The following MTA3 variants were observed in gnomAD, a reference collection of about 807,000 sequenced individuals.
The protein encoded by MTA3 is metastasis associated 1 family member 3, also known as metastasis-associated protein MTA3.
MTA3 carries 34 observed loss-of-function variants against 83.5 expected under a neutral mutation model. The observed-to-expected ratio is 0.41, with a 90% CI of 0.31 to 0.54. The LOEUF (loss-of-function observed/expected upper bound fraction) is 0.54. Ranked by LOEUF, MTA3 falls within the 20% of genes least tolerant of loss-of-function variation. The pLI is 0.33. For synonymous variants in MTA3, 303 were observed against 252.7 expected, an observed-to-expected ratio of 1.20 and a Z score of -1.89; for missense variants, 761 against 726.4, an observed-to-expected ratio of 1.05 and a Z score of -0.55.
chr2:42,627,678 C>A (rs935095769), intron 4 of MTA3, among the ~76,000 whole-genome samples: 1 of 151,722 alleles, frequency 6.6e-6, no homozygotes, highest in African/African-American at 2.4e-5. Flanking sequence ...ATCCTCCTGC[C>A]TCAGCCTCCC....
At chr2:42,529,846 A>G (rs1675875511) in intron 2 of MTA3, among the ~76,000 whole-genome samples, 1 of 152,172 alleles carries the variant, frequency 6.6e-6, no homozygotes, top group African/African-American at 2.4e-5. Flanking sequence ...ACTCCATAAA[A>G]ATGCATCAAT....
intron 8 of MTA3, among the ~76,000 whole-genome samples, chr2:42,668,809 AATATAATCTTTC>A (rs1355088203): frequency 2.6e-5 from 4 of 152,204 alleles, no homozygotes; most frequent in African/African-American, 9.7e-5. Flanking sequence ...AAAGGCTGTT[AATATAATCTTTC>A]ATATAATCTT....
intron 4 of MTA3, among the ~76,000 whole-genome samples, chr2:42,620,605 A>C (rs1227866564): frequency 6.6e-6 from 1 of 151,978 alleles, no homozygotes; most frequent in Non-Finnish European, 1.5e-5. Context: ...CAATCCTGCC[A>C]CCTCAGCCTC....
intron 2 of MTA3, among the ~76,000 whole-genome samples, chr2:42,561,368 G>C (rs1677667553): frequency 6.6e-6 from 1 of 151,234 alleles, no homozygotes; most frequent in African/African-American, 2.4e-5. Context: ...TGTTGCCCAG[G>C]CTGGAGTGCA....
At chr2:42,608,753 G>T (rs1167526138) in intron 3 of MTA3, among the ~76,000 whole-genome samples, 1 of 152,074 alleles carries the variant, frequency 6.6e-6, no homozygotes, top group African/African-American at 2.4e-5. Context: ...GTGTGGTGAT[G>T]TACGCCTGTA....
chr2:42,648,110 G>A (rs1688386232), intron 6 of MTA3, among the ~76,000 whole-genome samples: 1 of 152,172 alleles, frequency 6.6e-6, no homozygotes, highest in Admixed American at 6.5e-5. Context: ...CAAGGTGCTG[G>A]GATTACAGGC....
At chr2:42,718,357 C>G (rs1020287728) in intron 14 of MTA3, among the ~76,000 whole-genome samples, 6 of 151,646 alleles carry the variant, frequency 4.0e-5, no homozygotes, top group Admixed American at 6.6e-5. Context: ...AAGCAATTCT[C>G]CTGCCTCAGC....
intron 4 of MTA3, among the ~76,000 whole-genome samples, chr2:42,635,223 T>C (rs1234065830): frequency 6.6e-6 from 1 of 152,198 alleles, no homozygotes; most frequent in Non-Finnish European, 1.5e-5. Flanking sequence ...TTTTATTTGA[T>C]TGTTCATTGT....
At chr2:42,532,830 G>A in intron 2 of MTA3, 1 of 407,496 alleles carries the variant, frequency 2.5e-6, no homozygotes. Flanking sequence ...CTCACAGTGT[G>A]CTTCTCTGGG....
chr2:42,576,174 A>T (rs1209531547), intron 2 of MTA3, among the ~76,000 whole-genome samples: 2 of 152,240 alleles, frequency 1.3e-5, no homozygotes, highest in Non-Finnish European at 2.9e-5. Flanking sequence ...CAGGGTCCAC[A>T]TTCTAATGAG....
At chr2:42,666,461 G>A (rs946603247) in intron 8 of MTA3, among the ~76,000 whole-genome samples, 5 of 152,026 alleles carry the variant, frequency 3.3e-5, no homozygotes, top group Non-Finnish European at 7.4e-5. Flanking sequence ...ACAGTCCTCC[G>A]TCCTCTGGAC....
rs1675915207 is a variant in MTA3 at position 42,530,538 on chromosome 2, A to G, written c.-141+35284A>G. On this transcript the variant is annotated intron_variant, in intron 2 of 17. Coordinates refer to the MTA3 transcript ENST00000405592. ...GGTGGCTCATGCCTGTAATCCAACA[A>G]TTTGGGAGGCCGAGGCGGGCAGATC... 2.0e-5 allele frequency among the ~76,000 whole-genome samples: 3 copies of G among 150,794 alleles called. No individual in the cohort carries two copies. The South Asian group carries it at 6.3e-4, about 32-fold the overall frequency.
At chr2:42,709,360 C>G (rs1487083309) in intron 14 of MTA3, 2 of 1,225,276 alleles carry the variant, frequency 1.6e-6, no homozygotes, top group African/African-American at 1.6e-5. Flanking sequence ...GGAGGTGATC[C>G]TATTCCATGG....
intron 2 of MTA3, among the ~76,000 whole-genome samples, chr2:42,511,354 A>C (rs1446328875): frequency 6.5e-5 from 8 of 123,386 alleles, no homozygotes; most frequent in African/African-American, 9.5e-5. Flanking sequence ...TTTCTACGTC[A>C]AAAAAAAAAA....
intron 15 of MTA3, among the ~76,000 whole-genome samples, chr2:42,721,071 A>G (rs1344672477): frequency 6.6e-6 from 1 of 151,948 alleles, no homozygotes; most frequent in Non-Finnish European, 1.5e-5. Flanking sequence ...TCTACCAGAT[A>G]GGCCCAGACT....
At chr2:42,572,881 C>T (rs544717458) in intron 2 of MTA3, among the ~76,000 whole-genome samples, 2 of 152,086 alleles carry the variant, frequency 1.3e-5, no homozygotes, top group Non-Finnish European at 2.9e-5. Context: ...GCATGCGCCA[C>T]CATGCCTGGC....
chr2:42,657,405 GC>G (rs1689268952), intron 7 of MTA3, among the ~76,000 whole-genome samples: 1 of 152,180 alleles, frequency 6.6e-6, no homozygotes, highest in Admixed American at 6.5e-5. Flanking sequence ...TTGTAAAGGG[GC>G]CAATCTTGTG....
intron 4 of MTA3, among the ~76,000 whole-genome samples, chr2:42,629,701 G>T (rs1457915828): frequency 1.3e-5 from 2 of 152,070 alleles, no homozygotes; most frequent in African/African-American, 2.4e-5. Context: ...TGAAGTGAGG[G>T]ATAAAGAAGC....
At chr2:42,501,111 G>C (rs1674376431) in intron 2 of MTA3, among the ~76,000 whole-genome samples, 1 of 152,044 alleles carries the variant, frequency 6.6e-6, no homozygotes, top group Admixed American at 6.6e-5. Context: ...CGCGTGACCT[G>C]TATAGCATCT....
Sources: gnomAD v4.1 joint callset for allele counts (sites outside exome capture counted in the v4.1 genomes callset) on GRCh38, gnomAD v4.1.1 for gene constraint, MANE v1.5 for transcripts, NCBI Gene and HGNC (gene_info 2026-07-23, HGNC 2026-07-21) for gene names.